DIP2A: variants seen among roughly 807,000 people sequenced by gnomAD.
The protein encoded by DIP2A is disco-interacting protein 2 homolog A.
In DIP2A, 85 loss-of-function variants were observed where a neutral mutation model predicts 177.4. The observed-to-expected ratio is 0.48, with a 90% confidence interval of 0.40 to 0.57. The LOEUF (loss-of-function observed/expected upper bound fraction) is 0.57, where lower values mean the gene tolerates loss of function less well. Among genes scored for constraint, DIP2A ranks in the 20% least tolerant of loss-of-function variants. The pLI, the probability that DIP2A is intolerant of heterozygous loss-of-function variation, is 0.00. For missense variants in DIP2A, 1,791 were observed against 2,100.2 expected, an observed-to-expected ratio of 0.85 and a Z score of 2.88; for synonymous variants, 886 against 881.8, an observed-to-expected ratio of 1.00 and a Z score of -0.08.
chr21:46,563,685 A>G lies in DIP2A; in HGVS notation c.4090-173A>G. On this transcript the variant is annotated intron_variant, in intron 34 of 37. Coordinates refer to ENST00000417564, the MANE Select transcript of DIP2A (RefSeq NM_015151.4). The surrounding 1 kb of genome is among the most constrained non-coding windows in gnomAD (Gnocchi z 4.3). The stretch of plus-strand genomic sequence containing the variant: ...TTGCTTATTTCTATTAACATCTCTT[A>G]TTTCTTTCAAAATTCAAAGTCAAAT... The G allele has an allele frequency of 8.1e-7, 1 of 1,236,448 alleles. No individual in the cohort carries two copies. Among genetic ancestry groups the G allele is most frequent in the Non-Finnish European group, 1.1e-6 (1 of 926,232 alleles). 76.6% of individuals were successfully genotyped at this position (1,236,448 alleles called of 1,614,324 possible).
intron 26 of DIP2A, 87 bp from the exon 27 acceptor site, chr21:46,554,488 C>T (rs1218545886): frequency 6.4e-7 from 1 of 1,565,050 alleles, no homozygotes; most frequent in African/African-American, 1.4e-5. Flanking sequence ...AGCACCACCT[C>T]CCCTCCTCTC....
intron 6 of DIP2A, 24 bp from the exon 7 acceptor site, chr21:46,509,233 G>A (rs1244121432): frequency 1.2e-6 from 2 of 1,602,780 alleles, no homozygotes; most frequent in East Asian, 2.2e-5. Context: ...TGGCCTCAGT[G>A]CTCCTCTGTC....
chr21:46,532,111 C>A lies in DIP2A; in HGVS notation c.1195-16C>A, dbSNP rs747564791. 3 of 1,604,260 alleles carry A rather than the reference C, an allele frequency of 1.9e-6. No homozygotes were observed. Among genetic ancestry groups the A allele is most frequent in the African/African-American group, 2.7e-5 (2 of 74,466 alleles). Reference sequence around the variant, plus strand: ...AATTGGAAATTTGGAATATTCATTTCTTTGTCCTGTTGTAGGTGGCGCTCG... The same window carrying A: ...AATTGGAAATTTGGAATATTCATTTATTTGTCCTGTTGTAGGTGGCGCTCG... On this transcript the variant is annotated splice_polypyrimidine_tract_variant and intron_variant, in intron 9 of 37. Transcript: ENST00000417564.
intron 9 of DIP2A, among the ~76,000 whole-genome samples, chr21:46,531,781 G>C (rs2059367974): frequency 6.6e-6 from 1 of 152,154 alleles, no homozygotes; most frequent in Non-Finnish European, 1.5e-5. Context: ...TACATTCTGG[G>C]CAACCACTGT....
Position 46,556,760 on chromosome 21 carries a change from C to G in DIP2A, c.3499-179C>G. The G allele has an allele frequency of 3.6e-6, 2 of 549,264 alleles. No homozygotes were observed. Among genetic ancestry groups the G allele is most frequent in the Non-Finnish European group, 6.2e-6 (2 of 322,844 alleles). The allele number at this position is 549,264 out of a possible 1,614,324, so 34.0% of individuals were successfully genotyped here. A position where few individuals can be genotyped will look rare whatever the true frequency, so the allele number is the denominator to read the frequency against. On this transcript the variant is annotated intron_variant, in intron 29 of 37. Coordinates refer to ENST00000417564, the MANE Select transcript of DIP2A (RefSeq NM_015151.4). This position sits in a 1 kb window ranked among gnomAD's most constrained non-coding sequence, Gnocchi z 4.5. ...TTCAAAGATTTTTAGTGTACCATTT[C>G]TTGGGTATTATTTAGGTTATATGGG...
chr21:46,495,244 TTCTCTCTCTCTCTC>T lies in DIP2A; in HGVS notation c.284-1722_284-1709del, dbSNP rs371550332. On this transcript the variant is annotated intron_variant, in intron 3 of 37. Coordinates refer to ENST00000417564, the MANE Select transcript of DIP2A (RefSeq NM_015151.4). ...CTTCTCTTCTCTTCTCTTCTCTTCT[TTCTCTCTCTCTCTC>T]TCTCTCTCTCTCTCTCTCTCTGTTT... is the stretch of plus-strand genomic sequence containing the variant. Among the ~76,000 whole-genome samples the T allele has an allele frequency of 1.4e-3, 55 of 38,204 alleles. 1 individual carries two copies. The highest frequency in any genetic ancestry group is 6.0e-3 in the African/African-American group (51 of 8,532). 25.1% of individuals were successfully genotyped at this position (38,204 alleles called of 152,430 possible).
chr21:46,499,994 T>A (rs1294662155), intron 5 of DIP2A, among the ~76,000 whole-genome samples: 3 of 152,180 alleles, frequency 2.0e-5, no homozygotes, highest in Non-Finnish European at 4.4e-5. Context: ...TGTGCTGGGG[T>A]CCCCATGGGT....
At chr21:46,462,328 GT>G (rs1204301178) in intron 1 of DIP2A, 1 of 152,188 alleles carries the variant, frequency 6.6e-6, no homozygotes, top group African/African-American at 2.4e-5. Flanking sequence ...TAAGGACTTT[GT>G]TTTAGGCAGA....
intron 34 of DIP2A, among the ~76,000 whole-genome samples, chr21:46,562,584 G>A (rs932249610): frequency 1.3e-5 from 2 of 152,168 alleles, no homozygotes; most frequent in Non-Finnish European, 2.9e-5. Context: ...GGGCAGCAGG[G>A]GTGAGACTGC....
In DIP2A at chr21:46,490,609, C is replaced by T. The variant is rs1268577504; in HGVS notation, c.173C>T (p.Pro58Leu). The change falls in exon 3 of 38, where the codon CCA becomes CTA. Residue 58 changes from proline (P) to leucine (L), a missense_variant. Physicochemically the swap from Pro to Leu is moderately conservative, Grantham distance 98 (BLOSUM62 -3). Coordinates refer to ENST00000417564, the MANE Select transcript of DIP2A (RefSeq NM_015151.4). Reference protein sequence around the residue: ...RYIPLIQGIDPSLQAENRIPG... With the variant: ...RYIPLIQGIDLSLQAENRIPG... ...TAAAATTGTGTTTCAGGAATAGACC[C>T]ATCTCTGCAAGCAGAGAATAGAATT... is the stretch of plus-strand genomic sequence containing the variant. 3 of 1,566,390 alleles carry T rather than the reference C, an allele frequency of 1.9e-6. No homozygotes were observed. Among genetic ancestry groups the T allele is most frequent in the Non-Finnish European group, 2.6e-6 (3 of 1,155,464 alleles).
chr21:46,539,470 G>A (rs931311032), intron 16 of DIP2A: 6 of 312,618 alleles, frequency 1.9e-5, no homozygotes, highest in Non-Finnish European at 3.1e-5. Flanking sequence ...AGGTCTCTGC[G>A]TCTCCACCCC....
At chr21:46,491,226 A>C (rs1219120699) in intron 3 of DIP2A, among the ~76,000 whole-genome samples, 1 of 152,168 alleles carries the variant, frequency 6.6e-6, no homozygotes, top group Non-Finnish European at 1.5e-5. Flanking sequence ...CCATTGAAAA[A>C]AATTCACATT....
Position 46,529,141 on chromosome 21 carries a change from A to C in DIP2A, c.1152A>C (p.Lys384Asn), listed in dbSNP as rs767305709. Residue 384 changes from lysine (K) to asparagine (N), a missense_variant, in exon 9 of 38, where the codon AAA becomes AAC. By Grantham distance (94) the Lys-to-Asn change is moderately conservative. Coordinates refer to ENST00000417564, the MANE Select transcript of DIP2A (RefSeq NM_015151.4). ...AACTAGCTTATACTCTACTTAATAA[A>C]CTGACAAGTAAGAATGAACCTCTAC... is the stretch of plus-strand genomic sequence containing the variant. ...SLKLAYTLLN[K>N]LTSKNEPLLK... 6.5e-7 allele frequency: 1 copy of C among 1,534,874 alleles called. No individual in the cohort carries two copies. Among genetic ancestry groups the C allele is most frequent in the Non-Finnish European group, 8.8e-7 (1 of 1,140,396 alleles).
intron 20 of DIP2A, 161 bp downstream of exon 20, chr21:46,546,122 G>A (rs1381885792): frequency 6.8e-7 from 1 of 1,473,384 alleles, no homozygotes; most frequent in Non-Finnish European, 9.0e-7. Flanking sequence ...CTACCTGTGT[G>A]CAGGGCCATC....
chr21:46,498,540 C>T lies in DIP2A; in HGVS notation c.404-42C>T, dbSNP rs1250319193. 4 of 1,567,530 alleles carry T rather than the reference C, an allele frequency of 2.6e-6. No homozygotes were observed. The highest frequency in any genetic ancestry group is 3.5e-6 in the Non-Finnish European group (4 of 1,155,960). Reference sequence around the variant, plus strand: ...AGTGGGAACTCCGTCCTCCTCTTGACTCATCCCGATATCATGCCTGTCATC... The same window carrying T: ...AGTGGGAACTCCGTCCTCCTCTTGATTCATCCCGATATCATGCCTGTCATC... On this transcript the variant is annotated intron_variant, in intron 4 of 37. Coordinates refer to ENST00000417564, the MANE Select transcript of DIP2A (RefSeq NM_015151.4). The surrounding 1 kb of genome is among the most constrained non-coding windows in gnomAD (Gnocchi z 4.3).
chr21:46,517,013 A>G (rs190979974), intron 8 of DIP2A, among the ~76,000 whole-genome samples: 3 of 135,982 alleles, frequency 2.2e-5, no homozygotes, highest in African/African-American at 8.3e-5. Context: ...CAATATCTGT[A>G]TCACCTTTGG....
At position 46,557,152 on chromosome 21, in the gene DIP2A, C is replaced by G; in HGVS notation, c.3629+83C>G. Reference sequence around the variant, plus strand: ...ACCTTGGCCTTCTAAGGCACCTTTTCTGGGTGCTCAGGAAGCCGATGAGAT... The same window carrying G: ...ACCTTGGCCTTCTAAGGCACCTTTTGTGGGTGCTCAGGAAGCCGATGAGAT... On this transcript the variant is annotated intron_variant, in intron 30 of 37. Coordinates refer to ENST00000417564, the MANE Select transcript of DIP2A (RefSeq NM_015151.4). The surrounding 1 kb of genome is among the most constrained non-coding windows in gnomAD (Gnocchi z 6.0). The G allele has an allele frequency of 6.9e-7, 1 of 1,454,260 alleles. No individual in the cohort carries two copies. The highest frequency in any genetic ancestry group is 1.4e-5 in the African/African-American group (1 of 70,884). The allele number at this position is 1,454,260 out of a possible 1,614,324, so 90.1% of individuals were successfully genotyped here.
intron 9 of DIP2A, among the ~76,000 whole-genome samples, chr21:46,529,886 C>T (rs1438037937): frequency 2.0e-5 from 3 of 152,164 alleles, no homozygotes; most frequent in African/African-American, 7.2e-5. Context: ...ACCTATCTGC[C>T]AAAATAGGAT....
At chr21:46,564,798 C>T (rs1487852285) in intron 35 of DIP2A, among the ~76,000 whole-genome samples, 3 of 152,182 alleles carry the variant, frequency 2.0e-5, no homozygotes, top group Admixed American at 6.5e-5. Flanking sequence ...GTGGTCTTAC[C>T]GTGTCCTGAT....
Sources: allele counts gnomAD v4.1 joint callset (sites outside exome capture counted in the v4.1 genomes callset), GRCh38; gene constraint gnomAD v4.1.1; non-coding constraint Gnocchi (gnomAD v3.1); transcripts MANE v1.5; gene names NCBI Gene and HGNC (gene_info 2026-07-23, HGNC 2026-07-21).